The following HDAC8 variants were observed in gnomAD, a reference collection of about 807,000 sequenced individuals.
HDAC8 encodes histone deacetylase 8.
In HDAC8, 1 loss-of-function variant was observed where a neutral mutation model predicts 32.2. The observed-to-expected ratio is 0.03, with a 90% CI of 0.01 to 0.15. The LOEUF is 0.15. HDAC8 is among the 10% of genes least tolerant of loss of function. HDAC8 has a pLI of 1.00. For missense variants in HDAC8, 117 were observed against 300.0 expected (o/e 0.39, Z 4.51); for synonymous variants, 108 against 113.9 (o/e 0.95, Z 0.33).
chrX:72,572,466 C>T (rs2052129300), intron 1 of HDAC8, 185 bp downstream of exon 1: 1 of 430,062 alleles, frequency 2.3e-6, no homozygotes, highest in Non-Finnish European at 4.0e-6. Flanking sequence ...AAGAGACATG[C>T]TGCGCTCTCA....
At chrX:72,554,492 C>T (rs1298783730) in intron 4 of HDAC8, among the ~76,000 whole-genome samples, 146 of 3,468 alleles carry the variant, frequency 0.042, no homozygotes, top group Non-Finnish European at 0.19. Context: ...GCGGGTAGGG[C>T]GGGGGGAGCG....
intron 7 of HDAC8, among the ~76,000 whole-genome samples, chrX:72,471,461 T>C (rs2048174169): frequency 8.9e-6 from 1 of 112,194 alleles, no homozygotes; most frequent in African/African-American, 3.2e-5. Flanking sequence ...CCATCAGCAA[T>C]GTATGAAGGT....
chrX:72,446,134 C>T (rs12841481), intron 9 of HDAC8, among the ~76,000 whole-genome samples: 1 of 111,962 alleles, frequency 8.9e-6, no homozygotes, highest in South Asian at 3.8e-4. Flanking sequence ...TGGTGATTCC[C>T]CAGGGATGTA....
chrX:72,405,677 G>A (rs1814503902), intron 9 of HDAC8, among the ~76,000 whole-genome samples: 2 of 111,710 alleles, frequency 1.8e-5, no homozygotes, highest in Non-Finnish European at 3.8e-5. Context: ...TTTCTTTCTA[G>A]AATTCTAAGG....
chrX:72,353,864 T>C (rs1602556985), intron 9 of HDAC8, among the ~76,000 whole-genome samples: 2 of 112,044 alleles, frequency 1.8e-5, no homozygotes, highest in South Asian at 7.5e-4. Context: ...AGCTGAGGTA[T>C]AGGAGGAGGG....
chrX:72,564,949 G>A (rs2051724927), intron 4 of HDAC8, among the ~76,000 whole-genome samples: 1 of 112,052 alleles, frequency 8.9e-6, no homozygotes. Context: ...AGGTAGAATT[G>A]GTTTATTTCC....
rs782608440 is a variant in HDAC8 at position 72,474,671 on chromosome X, G to A, written c.738-9940C>T. On this transcript the variant is annotated intron_variant, in intron 7 of 10. Transcript: ENST00000373573. ...TTTTCAGACAAGGCTATGCAAATGGGGAAGACAAGCTGCGGCAGCTGCTTC... is the reference window on the plus strand; with the variant it reads ...TTTTCAGACAAGGCTATGCAAATGGAGAAGACAAGCTGCGGCAGCTGCTTC... The A allele has an allele frequency of 1.9e-5, 23 of 1,205,946 alleles. 1 individual carries two copies. In the East Asian group the frequency reaches 6.2e-4, roughly 33 times the overall value.
At chrX:72,435,424 C>CA (rs1426338318) in intron 9 of HDAC8, among the ~76,000 whole-genome samples, 143 of 111,365 alleles carry the variant, frequency 1.3e-3, no homozygotes, top group African/African-American at 4.1e-3. Context: ...GAACAGACAA[C>CA]AAATGTCAAC....
chrX:72,494,478 G>A (rs781816534), intron 5 of HDAC8, among the ~76,000 whole-genome samples: 2 of 111,188 alleles, frequency 1.8e-5, no homozygotes, highest in Admixed American at 9.6e-5. Context: ...GAAATACTAC[G>A]TGTCCCAGAG....
intron 2 of HDAC8, 105 bp from the exon 3 acceptor site, chrX:72,568,989 T>C (rs1203034739): frequency 2.0e-5 from 17 of 849,832 alleles, no homozygotes; most frequent in Non-Finnish European, 2.8e-5. Context: ...ACGTCTCAAC[T>C]TCTGGTTCCA....
intron 4 of HDAC8, among the ~76,000 whole-genome samples, chrX:72,546,304 A>G (rs1212929086): frequency 1.8e-5 from 2 of 111,540 alleles, no homozygotes; most frequent in African/African-American, 6.5e-5. Flanking sequence ...GAGGGGACCT[A>G]ACTGGCATAG....
intron 9 of HDAC8, among the ~76,000 whole-genome samples, chrX:72,385,540 C>T (rs781925338): frequency 9.0e-6 from 1 of 111,414 alleles, no homozygotes; most frequent in South Asian, 3.8e-4. Flanking sequence ...AAGATCACTC[C>T]TATTTCCAAC....
intron 6 of HDAC8, 21 bp from the exon 7 acceptor site, chrX:72,489,062 A>C: frequency 9.5e-7 from 1 of 1,051,719 alleles, no homozygotes; most frequent in South Asian, 2.1e-5. Context: ...GAAGAGCACT[A>C]TGATCAGTTA....
At chrX:72,459,136 C>T (rs1213346445) in intron 9 of HDAC8, among the ~76,000 whole-genome samples, 1 of 111,681 alleles carries the variant, frequency 9.0e-6, no homozygotes, top group Non-Finnish European at 1.9e-5. Flanking sequence ...CCTCATCTGT[C>T]CTGGATGTGA....
intron 8 of HDAC8, among the ~76,000 whole-genome samples, chrX:72,462,657 T>C (rs1360799336): frequency 9.0e-6 from 1 of 111,126 alleles, no homozygotes; most frequent in Admixed American, 9.6e-5. Flanking sequence ...TCAAAGAGAG[T>C]GAGATGAGGA....
intron 9 of HDAC8, among the ~76,000 whole-genome samples, chrX:72,432,897 T>A (rs2046857228): frequency 9.0e-6 from 1 of 111,691 alleles, no homozygotes; most frequent in South Asian, 3.8e-4. Context: ...ACTTGATAAG[T>A]CAAACATCCA....
chrX:72,469,377 C>A (rs1299229162), intron 7 of HDAC8, among the ~76,000 whole-genome samples: 1 of 111,789 alleles, frequency 8.9e-6, no homozygotes, highest in African/African-American at 3.3e-5. Flanking sequence ...AGCCTAGACT[C>A]GAACTCCTGG....
At chrX:72,534,446 C>G (rs2050455932) in intron 4 of HDAC8, among the ~76,000 whole-genome samples, 1 of 108,478 alleles carries the variant, frequency 9.2e-6, no homozygotes, top group Admixed American at 9.9e-5. Context: ...ATAGCTGGGA[C>G]TATAGGCGCG....
intron 9 of HDAC8, among the ~76,000 whole-genome samples, chrX:72,362,691 C>A (rs2044591039): frequency 8.9e-6 from 1 of 112,374 alleles, no homozygotes; most frequent in Admixed American, 9.4e-5. Context: ...TATTATCATT[C>A]TTTTTCTTGT....
Sources: gnomAD v4.1 joint callset for allele counts (sites outside exome capture counted in the v4.1 genomes callset) on GRCh38, gnomAD v4.1.1 for gene constraint, MANE v1.5 for transcripts, NCBI Gene and HGNC (gene_info 2026-07-23, HGNC 2026-07-21) for gene names.